Variants in FAT3 observed in about 807,000 individuals in gnomAD.
The protein encoded by FAT3 is protocadherin Fat 3.
Under a neutral mutation model 310.2 loss-of-function variants are expected in FAT3, and 95 were observed. That is an observed-to-expected ratio of 0.31 (90% CI 0.26 to 0.36). The LOEUF (loss-of-function observed/expected upper bound fraction) is 0.36, where lower values mean the gene tolerates loss of function less well. FAT3 is among the 10% of genes least tolerant of loss of function. The pLI, the probability that FAT3 is intolerant of heterozygous loss-of-function variation, is 1.00. For missense variants in FAT3, 5,408 were observed against 5,715.6 expected, an observed-to-expected ratio of 0.95 and a Z score of 1.74; for synonymous variants, 2,314 against 2,192.9, an observed-to-expected ratio of 1.06 and a Z score of -1.54.
At chr11:92,729,952 G>T (rs1945128843) in intron 4 of FAT3, among the ~76,000 whole-genome samples, 1 of 151,934 alleles carries the variant, frequency 6.6e-6, no homozygotes, top group South Asian at 2.1e-4. Context: ...GTTATCTCTG[G>T]GTAATGGGAT....
chr11:92,436,688 C>T (rs966285317), intron 2 of FAT3, among the ~76,000 whole-genome samples: 1 of 152,182 alleles, frequency 6.6e-6, no homozygotes, highest in Non-Finnish European at 1.5e-5. Context: ...AAGGTCTCAT[C>T]AAGACAAGCC....
chr11:92,701,442 A>G (rs554785247), intron 4 of FAT3, among the ~76,000 whole-genome samples: 1 of 152,356 alleles, frequency 6.6e-6, no homozygotes, highest in South Asian at 2.1e-4. Context: ...TCAGAATCCA[A>G]AGACTTGCTA....
chr11:92,535,852 G>A (rs372710711), intron 3 of FAT3, among the ~76,000 whole-genome samples: 3 of 152,182 alleles, frequency 2.0e-5, no homozygotes, highest in South Asian at 2.1e-4. Context: ...ATGAGGTCAC[G>A]TAGAAGTTAA....
intron 3 of FAT3, among the ~76,000 whole-genome samples, chr11:92,563,621 CCTACTT>C (rs1446274101): frequency 1.3e-5 from 2 of 151,990 alleles, no homozygotes; most frequent in Non-Finnish European, 2.9e-5. Context: ...CTCGACTTAT[CCTACTT>C]CGAAACCCAG....
intron 4 of FAT3, among the ~76,000 whole-genome samples, chr11:92,745,515 A>G (rs1945634077): frequency 1.3e-5 from 2 of 150,254 alleles, no homozygotes; most frequent in Admixed American, 1.3e-4. Flanking sequence ...GAAAATGATG[A>G]GCAGATGAGC....
At chr11:92,635,943 TTTTTGTTTTG>T (rs541177357) in intron 3 of FAT3, among the ~76,000 whole-genome samples, 4 of 152,002 alleles carry the variant, frequency 2.6e-5, no homozygotes, top group African/African-American at 7.2e-5. Flanking sequence ...AAGGTCTTCT[TTTTTGTTTTG>T]TTTTGTTTTG....
intron 1 of FAT3, among the ~76,000 whole-genome samples, chr11:92,343,305 T>C (rs1450099440): frequency 7.4e-6 from 1 of 135,520 alleles, no homozygotes; most frequent in Non-Finnish European, 1.5e-5. Flanking sequence ...CAGAACCAGC[T>C]GAAGGCTTTG....
At chr11:92,889,991 T>C in intron 27 of FAT3, 100 bp downstream of exon 27, 1 of 717,122 alleles carries the variant, frequency 1.4e-6, no homozygotes, top group Non-Finnish European at 2.6e-6. Context: ...GATCTGAATT[T>C]TGCATGTCTC....
chr11:92,790,155 C>A lies in FAT3; in HGVS notation c.4548C>A (p.Gly1516=), dbSNP rs770989041. 2 of 1,613,586 alleles carry A rather than the reference C, an allele frequency of 1.2e-6. No homozygotes were observed. Among genetic ancestry groups the A allele is most frequent in the African/African-American group, 2.7e-5 (2 of 74,876 alleles). ...AATTCCGGATTGACCCTAGCACTGG[C>A]GTGCTCTATACTGCCGAGAGGCTGG... is the stretch of plus-strand genomic sequence containing the variant. ...MRKFRIDPST[G]VLYTAERLDH... The change falls in exon 8 of 28, where the codon GGC becomes GGA. Residue 1516 remains glycine (G), a synonymous_variant. Transcript: ENST00000525166.
At chr11:92,732,949 A>C (rs1945229077) in intron 4 of FAT3, among the ~76,000 whole-genome samples, 1 of 152,196 alleles carries the variant, frequency 6.6e-6, no homozygotes, top group African/African-American at 2.4e-5. Context: ...TGGGATAACC[A>C]CTGAGTTTGA....
At chr11:92,890,063 A>G (rs887865245) in intron 27 of FAT3, among the ~76,000 whole-genome samples, 172 bp downstream of exon 27, 2 of 152,080 alleles carry the variant, frequency 1.3e-5, no homozygotes, top group East Asian at 3.9e-4. Flanking sequence ...TCCTAGCCTC[A>G]TCCTCTGTGC....
In FAT3 at chr11:92,867,060, A is replaced by G; in HGVS notation, c.11978A>G (p.Asn3993Ser). 1 of 1,589,464 alleles carries G rather than the reference A, an allele frequency of 6.3e-7. No homozygotes were observed. The highest frequency in any genetic ancestry group is 8.6e-7 in the Non-Finnish European group (1 of 1,168,244). Residue 3993 changes from asparagine to serine, a missense_variant, in exon 22 of 28, where the codon AAC becomes AGC. Transcript: ENST00000525166. ...TGCCTGGACTCGGTGATACTGAATA[A>G]CAATGAGCTGCCGCTGCAGAACAAG... ...QGCLDSVILN[N>S]NELPLQNKRS...
At chr11:92,524,092 T>A (rs1368172751) in intron 2 of FAT3, among the ~76,000 whole-genome samples, 1 of 152,066 alleles carries the variant, frequency 6.6e-6, no homozygotes, top group Non-Finnish European at 1.5e-5. Context: ...AGAAGGAGGG[T>A]TACACCTTTG....
Position 92,404,333 on chromosome 11 carries a change from G to T in FAT3, c.3292+48929G>T, listed in dbSNP as rs562049277. Among the ~76,000 whole-genome samples the T allele has an allele frequency of 2.6e-5, 4 of 152,216 alleles. No individual in the cohort carries two copies. In the South Asian group the frequency reaches 8.3e-4, roughly 32 times the overall value. ...GCTGTACTAGTGGAATGTATGCTGG[G>T]TACAGGATAGCCAGAAGAAGGAGTG... On this transcript the variant is annotated intron_variant, in intron 2 of 27. Transcript: ENST00000525166.
At position 92,895,196 on chromosome 11, in the gene FAT3, T is replaced by G. The variant is rs889942495; in HGVS notation, c.*4083T>G. ...AGTTTCAAACTATGGGAAATGGAGA[T>G]TTGAAGAGGCATTTATTCCTTGTCA... On this transcript the variant is annotated 3_prime_UTR_variant, in exon 28 of 28. Transcript: ENST00000525166. 6.6e-6 allele frequency: 1 copy of G among 152,352 alleles called. No individual in the cohort carries two copies. The highest frequency in any genetic ancestry group is 3.4e-3 in the Middle Eastern group (1 of 294). 9.4% of individuals were successfully genotyped at this position (152,352 alleles called of 1,614,324 possible). A position where few individuals can be genotyped will look rare whatever the true frequency, so the allele number is the denominator to read the frequency against.
At chr11:92,585,629 G>A (rs377101231) in intron 3 of FAT3, among the ~76,000 whole-genome samples, 2 of 152,024 alleles carry the variant, frequency 1.3e-5, no homozygotes, top group African/African-American at 4.8e-5. Flanking sequence ...ATACATGATT[G>A]TTGTTTTAAG....
At chr11:92,489,164 A>G (rs770370570) in intron 2 of FAT3, among the ~76,000 whole-genome samples, 1 of 152,116 alleles carries the variant, frequency 6.6e-6, no homozygotes, top group Non-Finnish European at 1.5e-5. Context: ...GTTAATGTGA[A>G]TGCTTATCTC....
intron 3 of FAT3, among the ~76,000 whole-genome samples, chr11:92,643,971 T>C (rs2135736000): frequency 6.6e-6 from 1 of 152,378 alleles, no homozygotes; most frequent in East Asian, 1.9e-4. Context: ...ACATGCCTTC[T>C]AGATTCTTTT....
chr11:92,863,053 T>G (rs1949158818), intron 21 of FAT3, among the ~76,000 whole-genome samples: 1 of 152,226 alleles, frequency 6.6e-6, no homozygotes, highest in Non-Finnish European at 1.5e-5. Flanking sequence ...TTAAAATACT[T>G]AATGTATACC....
Sources: gnomAD v4.1 joint callset for allele counts (sites outside exome capture counted in the v4.1 genomes callset) on GRCh38, gnomAD v4.1.1 for gene constraint, MANE v1.5 for transcripts, NCBI Gene and HGNC (gene_info 2026-07-23, HGNC 2026-07-21) for gene names.